KIRREL1: variants seen among roughly 807,000 people sequenced by gnomAD.
KIRREL1 encodes the protein kirre like nephrin family adhesion molecule 1, also known as kin of IRRE-like protein 1.
A neutral mutation model predicts 83.3 loss-of-function variants in KIRREL1; 25 were observed. That is an observed-to-expected ratio of 0.30 (90% CI 0.22 to 0.42). The LOEUF (loss-of-function observed/expected upper bound fraction) is 0.42. Among genes scored for constraint, KIRREL1 ranks in the 10% least tolerant of loss-of-function variants. KIRREL1 has a pLI of 1.00. For missense variants in KIRREL1, 812 were observed against 1,032.3 expected, an observed-to-expected ratio of 0.79 and a Z score of 2.92; for synonymous variants, 388 against 410.4, an observed-to-expected ratio of 0.95 and a Z score of 0.66.
intron 3 of KIRREL1, among the ~76,000 whole-genome samples, chr1:158,079,156 T>C (rs990465611): frequency 2.0e-5 from 3 of 152,248 alleles, no homozygotes; most frequent in African/African-American, 7.2e-5. Flanking sequence ...CCCTTTTTTT[T>C]CTGCCTCCAT....
At chr1:158,014,451 C>G (rs1404684749) in intron 1 of KIRREL1, among the ~76,000 whole-genome samples, 1 of 152,186 alleles carries the variant, frequency 6.6e-6, no homozygotes, top group Admixed American at 6.5e-5. Context: ...TTGTCCGGGA[C>G]TCTGCCTGAG....
intron 1 of KIRREL1, among the ~76,000 whole-genome samples, chr1:158,013,787 C>G (rs1365699908): frequency 1.3e-5 from 2 of 152,140 alleles, no homozygotes; most frequent in Non-Finnish European, 2.9e-5. Flanking sequence ...CCTGCCTCCC[C>G]TACCATTCCC....
chr1:157,994,880 G>C (rs1231223987), intron 1 of KIRREL1, among the ~76,000 whole-genome samples: 1 of 152,062 alleles, frequency 6.6e-6, no homozygotes, highest in African/African-American at 2.4e-5. Context: ...CCCCCAGATC[G>C]GCACACACTC....
At chr1:157,993,868 C>G (rs1659115291) in intron 1 of KIRREL1, 140 bp downstream of exon 1, 1 of 489,412 alleles carries the variant, frequency 2.0e-6, no homozygotes, top group Non-Finnish European at 3.6e-6. Flanking sequence ...GGGGCTCGGT[C>G]CGGGCGCAGA....
intron 1 of KIRREL1, among the ~76,000 whole-genome samples, chr1:158,049,540 A>T (rs1393159493): frequency 6.6e-6 from 1 of 152,194 alleles, no homozygotes; most frequent in East Asian, 1.9e-4. Context: ...CTTCATCTGA[A>T]GTCAATGGAG....
chr1:158,037,661 C>G (rs1053242570), intron 1 of KIRREL1, among the ~76,000 whole-genome samples: 5 of 152,148 alleles, frequency 3.3e-5, no homozygotes, highest in Admixed American at 1.3e-4. Context: ...TCCCATCTCT[C>G]CTTCCAAACC....
chr1:158,043,143 C>T (rs1158011265), intron 1 of KIRREL1, among the ~76,000 whole-genome samples: 1 of 151,364 alleles, frequency 6.6e-6, no homozygotes, highest in East Asian at 1.9e-4. Flanking sequence ...GGGGGCACTC[C>T]AACACCTACT....
At chr1:158,063,205 C>G (rs1321019245) in intron 1 of KIRREL1, among the ~76,000 whole-genome samples, 1 of 152,154 alleles carries the variant, frequency 6.6e-6, no homozygotes, top group Non-Finnish European at 1.5e-5. Context: ...GTCCAACTTA[C>G]GAGGCTATAG....
At chr1:158,089,690 G>A in intron 9 of KIRREL1, 28 bp from the exon 10 acceptor site, 2 of 1,614,128 alleles carry the variant, frequency 1.2e-6, no homozygotes, top group Non-Finnish European at 1.7e-6. Flanking sequence ...TTTTTAACTG[G>A]TTCTGACTTG....
rs1661671819 is a variant in KIRREL1 at position 158,076,048 on chromosome 1, G to A, written c.53-65G>A. 2.7e-6 allele frequency: 4 copies of A among 1,467,444 alleles called. No individual in the cohort carries two copies. In the African/African-American group the frequency reaches 5.6e-5, roughly 21 times the overall value. 90.9% of individuals were successfully genotyped at this position (1,467,444 alleles called of 1,614,324 possible). A position where few individuals can be genotyped will look rare whatever the true frequency, so the allele number is the denominator to read the frequency against. ...CTCCCTCCTTCCAGCTGCATGGTGA[G>A]GGGGACCTCTTAGAGGAGCCCCTCT... On this transcript the variant is annotated intron_variant, in intron 1 of 14. Coordinates refer to ENST00000359209, the MANE Select transcript of KIRREL1 (RefSeq NM_018240.7).
chr1:158,036,904 G>A (rs1056819443), intron 1 of KIRREL1, among the ~76,000 whole-genome samples: 2 of 152,222 alleles, frequency 1.3e-5, no homozygotes, highest in Admixed American at 1.3e-4. Flanking sequence ...CGATAGCTGG[G>A]CTGTGGGCTT....
At chr1:157,997,096 C>T (rs183022505) in intron 1 of KIRREL1, among the ~76,000 whole-genome samples, 160 of 152,300 alleles carry the variant, frequency 1.1e-3, no homozygotes, top group African/African-American at 3.7e-3. Flanking sequence ...GTAAGTGCCC[C>T]TTAAATATCT....
At chr1:158,032,660 G>T (rs1442795860) in intron 1 of KIRREL1, among the ~76,000 whole-genome samples, 4 of 152,166 alleles carry the variant, frequency 2.6e-5, no homozygotes, top group African/African-American at 4.8e-5. Context: ...TTAACTCCAG[G>T]TGTGTCCCAG....
chr1:158,006,811 G>A (rs1190436800), intron 1 of KIRREL1, among the ~76,000 whole-genome samples: 5 of 152,240 alleles, frequency 3.3e-5, no homozygotes, highest in Non-Finnish European at 5.9e-5. Flanking sequence ...GACATCTGCT[G>A]CTGAAGCCAG....
At chr1:158,066,961 T>C (rs774055266) in intron 1 of KIRREL1, among the ~76,000 whole-genome samples, 3 of 152,202 alleles carry the variant, frequency 2.0e-5, no homozygotes, top group Non-Finnish European at 2.9e-5. Flanking sequence ...CTGTCTGTCA[T>C]ACCTGCTATA....
intron 1 of KIRREL1, among the ~76,000 whole-genome samples, chr1:158,041,658 C>T (rs1660630748): frequency 3.3e-5 from 5 of 152,192 alleles, no homozygotes; most frequent in Admixed American, 2.6e-4. Context: ...CTTGGGCTTT[C>T]CCACCTCTCT....
rs1251003635 is a variant in KIRREL1, at chr1:158,086,686, C to T, written c.601C>T (p.Arg201Ter). The T allele has an allele frequency of 4.5e-6, 7 of 1,551,632 alleles. No homozygotes were observed. Among genetic ancestry groups the T allele is most frequent in the Non-Finnish European group, 6.1e-6 (7 of 1,147,008 alleles). The change falls in exon 5 of 15, where the codon CGA becomes TGA. Residue 201 changes from arginine to a stop codon, truncating the protein, a stop_gained. Transcript: ENST00000359209. LOFTEE classifies it high-confidence loss of function. ...DLDIGRVFTC[R>*]SMNEAIPSGK... ...GGACATAGGGCGTGTCTTCACTTGC[C>T]GAAGCATGAACGAAGCCATCCCTAG...
intron 1 of KIRREL1, among the ~76,000 whole-genome samples, chr1:158,063,287 G>GA (rs886448464): frequency 1.3e-5 from 2 of 151,982 alleles, no homozygotes; most frequent in Non-Finnish European, 2.9e-5. Flanking sequence ...AGTCAGATAA[G>GA]AAAAAAATGC....
chr1:158,015,007 G>A (rs1047984429), intron 1 of KIRREL1, among the ~76,000 whole-genome samples: 1 of 152,132 alleles, frequency 6.6e-6, no homozygotes, highest in African/African-American at 2.4e-5. Flanking sequence ...CCTCAGGATG[G>A]CCACAAGCTA....
Sources: gnomAD v4.1 joint callset for allele counts (sites outside exome capture counted in the v4.1 genomes callset) on GRCh38, gnomAD v4.1.1 for gene constraint, MANE v1.5 for transcripts, NCBI Gene and HGNC (gene_info 2026-07-23, HGNC 2026-07-21) for gene names.